Variants in AMELX observed in about 807,000 individuals in gnomAD.
AMELX encodes amelogenin X-linked.
Under a neutral mutation model 15.8 loss-of-function variants are expected in AMELX, and 9 were observed. The observed-to-expected ratio is 0.57, with a 90% CI of 0.34 to 0.99. AMELX has a LOEUF of 0.99. AMELX is among the 50% of genes least tolerant of loss of function. The pLI is 0.02. For synonymous variants in AMELX, 61 were observed against 58.8 expected, an observed-to-expected ratio of 1.04 and a Z score of -0.17; for missense variants, 107 against 156.2, an observed-to-expected ratio of 0.68 and a Z score of 1.68.
the AMELX span, among the ~76,000 whole-genome samples, chrX:11,306,094 ATCT>A: frequency 1.8e-5 from 2 of 111,379 alleles, no homozygotes; most frequent in South Asian, 3.8e-4. Context: ...TCTTCTAGAA[ATCT>A]TCTCTCACTG....
the AMELX span, among the ~76,000 whole-genome samples, chrX:11,308,146 C>T: frequency 8.9e-6 from 1 of 111,975 alleles, no homozygotes; most frequent in African/African-American, 3.2e-5. Flanking sequence ...TGTAGAAAAG[C>T]CAATGATTTC....
downstream of AMELX, among the ~76,000 whole-genome samples, chrX:11,302,558 T>C (rs182418644): frequency 6.0e-3 from 665 of 111,572 alleles, 15 homozygotes; most frequent in Admixed American, 0.06. Context: ...TACATTCTTT[T>C]CTATTTTGTG....
At chrX:11,301,004 T>C (rs1410232516), downstream of AMELX, among the ~76,000 whole-genome samples, 1 of 112,006 alleles carries the variant, frequency 8.9e-6, no homozygotes, top group Non-Finnish European at 1.9e-5. Flanking sequence ...TTTATGAATA[T>C]GTACAATAAC....
At chrX:11,299,114 A>G (rs1188910414) in intron 5 of AMELX, 141 bp downstream of exon 5, 1 of 794,734 alleles carries the variant, frequency 1.3e-6, no homozygotes, top group East Asian at 3.5e-5. Context: ...AGTCCAAGCA[A>G]TATGCTATAC....
chrX:11,306,565 C>T, the AMELX span, among the ~76,000 whole-genome samples: 1 of 112,633 alleles, frequency 8.9e-6, no homozygotes, highest in African/African-American at 3.2e-5. Context: ...AGAATTGTCT[C>T]TATCACCAAT....
chrX:11,300,455 C>T (rs1267561490), intron 5 of AMELX, 152 bp from the exon 6 acceptor site: 14 of 462,985 alleles, frequency 3.0e-5, no homozygotes, highest in Admixed American at 7.5e-5. Flanking sequence ...CTAATGACAA[C>T]GAAATAACAA....
chrX:11,296,222 G>A (rs2048081475), intron 2 of AMELX, among the ~76,000 whole-genome samples: 1 of 112,213 alleles, frequency 8.9e-6, no homozygotes, highest in African/African-American at 3.2e-5. Context: ...TTGTATGGAA[G>A]TGTTGTTTAC....
the AMELX span, among the ~76,000 whole-genome samples, chrX:11,305,861 C>T: frequency 3.6e-5 from 4 of 111,801 alleles, no homozygotes; most frequent in South Asian, 3.8e-4. Context: ...AATAAAACCC[C>T]TACAGCCATG....
rs1468503642 is a variant in AMELX, at chrX:11,294,726, C to T, written c.-12-51C>T. Reference sequence around the variant, plus strand: ...TGTGTGTTTTATGGAGCATTCATTACATCCATGTTTCAGAAGAGATAAGAA... The same window carrying T: ...TGTGTGTTTTATGGAGCATTCATTATATCCATGTTTCAGAAGAGATAAGAA... On this transcript the variant is annotated intron_variant, in intron 1 of 5. Transcript: ENST00000380714. 5 of 1,128,452 alleles carry T rather than the reference C, an allele frequency of 4.4e-6. No individual in the cohort carries two copies. The African/African-American group carries it at 9.0e-5, about 20-fold the overall frequency. 93.0% of individuals were successfully genotyped at this position (1,128,452 alleles called of 1,213,427 possible).
At position 11,298,067 on chromosome X, in the gene AMELX, A is replaced by G. The variant is rs760940170; in HGVS notation, c.103-169A>G. The G allele has an allele frequency of 7.5e-6, 9 of 1,199,893 alleles. No individual in the cohort carries two copies. In the South Asian group the frequency reaches 1.4e-4, roughly 19 times the overall value. ...ACACAGTGCCTGTCACACAGGAAGC[A>G]CCCAACAAATTTTTACCTTCTTCTT... On this transcript the variant is annotated intron_variant, in intron 3 of 5. Transcript: ENST00000380714.
downstream of AMELX, chrX:11,300,880 G>A: frequency 7.8e-6 from 2 of 255,080 alleles, no homozygotes; most frequent in Non-Finnish European, 7.1e-6. Flanking sequence ...TTCACCATTT[G>A]GCAAGCAAAT....
At chrX:11,307,493 T>A in the AMELX span, among the ~76,000 whole-genome samples, 1 of 111,987 alleles carries the variant, frequency 8.9e-6, no homozygotes, top group Admixed American at 9.4e-5. Flanking sequence ...GGGAAGGAAA[T>A]GTTTGCAAAT....
chrX:11,298,253 G>A lies in AMELX; in HGVS notation c.120G>A (p.Lys40=). 8.3e-7 allele frequency: 1 copy of A among 1,211,477 alleles called. No homozygotes were observed. The highest frequency in any genetic ancestry group is 1.1e-6 in the Non-Finnish European group (1 of 895,205). The part of the protein sequence containing the change: ...NFSYEVLTPL[K]WYQSIRPPYP... Reference sequence around the variant, plus strand: ...CTCTTAAGGTGCTTACCCCTTTGAAGTGGTACCAGAGCATAAGGCCACCGG... The same window carrying A: ...CTCTTAAGGTGCTTACCCCTTTGAAATGGTACCAGAGCATAAGGCCACCGG... Residue 40 remains lysine, a synonymous_variant, in exon 4 of 6, where the codon AAG becomes AAA. Coordinates refer to ENST00000380714, the MANE Select transcript of AMELX (RefSeq NM_001142.2).
rs192708703 is a variant in AMELX at position 11,294,236 on chromosome X, A to G, written c.-12-541A>G. On this transcript the variant is annotated intron_variant, in intron 1 of 5. Coordinates refer to ENST00000380714, the MANE Select transcript of AMELX (RefSeq NM_001142.2). ...GATGTTACTGGAGGGTCTTGCCTGA[A>G]GTTCTGTAGATAGGAATTTCTGGAA... 3.8e-3 allele frequency among the ~76,000 whole-genome samples: 421 copies of G among 111,136 alleles called. 1 individual carries two copies. The highest frequency in any genetic ancestry group is 0.011 in the South Asian group (29 of 2,620).
chrX:11,301,223 T>C (rs1365735827), downstream of AMELX, among the ~76,000 whole-genome samples: 1 of 112,120 alleles, frequency 8.9e-6, no homozygotes, highest in Non-Finnish European at 1.9e-5. Flanking sequence ...ATATGCATAA[T>C]AATGTACTGA....
rs1158772805 is a variant in AMELX, at chrX:11,298,047, G to A, written c.103-189G>A. 8.2e-6 allele frequency: 9 copies of A among 1,098,403 alleles called. No homozygotes were observed. The East Asian group carries it at 2.4e-4, about 29-fold the overall frequency. 90.5% of individuals were successfully genotyped at this position (1,098,403 alleles called of 1,213,427 possible). On this transcript the variant is annotated intron_variant, in intron 3 of 5. Coordinates refer to ENST00000380714, the MANE Select transcript of AMELX (RefSeq NM_001142.2). The stretch of plus-strand genomic sequence containing the variant: ...AATGTGTGTGATGGATGTAAACACA[G>A]TGCCTGTCACACAGGAAGCACCCAA...
intron 1 of AMELX, 77 bp downstream of exon 1, chrX:11,293,545 T>C (rs1373286365): frequency 8.9e-6 from 1 of 112,220 alleles, no homozygotes; most frequent in East Asian, 2.8e-4. Flanking sequence ...TTAAAAGATA[T>C]AAATGTATTC....
At chrX:11,296,897 G>A in intron 3 of AMELX, 71 bp downstream of exon 3, 1 of 1,112,601 alleles carries the variant, frequency 9.0e-7, no homozygotes, top group Non-Finnish European at 1.2e-6. Context: ...AAAGAATAGT[G>A]TGTTGATTCT....
Position 11,296,182 on chromosome X carries a change from A to G in AMELX, c.55-597A>G, listed in dbSNP as rs190519078. 5.4e-5 allele frequency among the ~76,000 whole-genome samples: 6 copies of G among 112,140 alleles called. No individual in the cohort carries two copies. In the East Asian group the frequency reaches 1.7e-3, roughly 32 times the overall value. ...GTTCTGGCATTCATCAATAATTCCC[A>G]CCTTGTGGTTTCTTTTGTGGCTTCT... On this transcript the variant is annotated intron_variant, in intron 2 of 5. Transcript: ENST00000380714.
Sources: allele counts gnomAD v4.1 joint callset (sites outside exome capture counted in the v4.1 genomes callset), GRCh38; gene constraint gnomAD v4.1.1; transcripts MANE v1.5; gene names NCBI Gene and HGNC (gene_info 2026-07-23, HGNC 2026-07-21).